Variants in AUH observed in about 807,000 individuals in gnomAD.
AUH encodes AU RNA binding methylglutaconyl-CoA hydratase.
AUH carries 29 observed loss-of-function variants against 42.3 expected under a neutral mutation model. The ratio of observed to expected loss-of-function variants is 0.69; its 90% CI spans 0.51 to 0.93. The LOEUF is 0.93. Among genes scored for constraint, AUH ranks in the 40% least tolerant of loss-of-function variants. The probability of loss-of-function intolerance (pLI) is 0.00; values close to 1 mark genes in which losing one functional copy is unlikely to be tolerated. For synonymous variants in AUH, 174 were observed against 166.4 expected, an observed-to-expected ratio of 1.05 and a Z score of -0.35; for missense variants, 452 against 438.1, an observed-to-expected ratio of 1.03 and a Z score of -0.28.
At chr9:91,350,852 A>G (rs532181647) in intron 3 of AUH, among the ~76,000 whole-genome samples, 1 of 152,246 alleles carries the variant, frequency 6.6e-6, no homozygotes, top group African/African-American at 2.4e-5. Flanking sequence ...ATACACTAAT[A>G]TACTTTGTAT....
intron 3 of AUH, among the ~76,000 whole-genome samples, chr9:91,348,401 T>A (rs1240447559): frequency 6.6e-6 from 1 of 152,202 alleles, no homozygotes; most frequent in Non-Finnish European, 1.5e-5. Flanking sequence ...TCTGACTATT[T>A]ACCTGAGAGA....
chr9:91,291,313 G>A (rs922971238), intron 6 of AUH, among the ~76,000 whole-genome samples: 1 of 152,084 alleles, frequency 6.6e-6, no homozygotes, highest in Non-Finnish European at 1.5e-5. Flanking sequence ...TCTGTTGGGG[G>A]GGTGGGGGTG....
At chr9:91,301,891 TATTA>T (rs1238838115) in intron 4 of AUH, among the ~76,000 whole-genome samples, 1 of 152,236 alleles carries the variant, frequency 6.6e-6, no homozygotes, top group Non-Finnish European at 1.5e-5. Flanking sequence ...AACTTTAAAT[TATTA>T]ATTAACATAA....
intron 4 of AUH, among the ~76,000 whole-genome samples, chr9:91,320,176 G>C (rs1373357118): frequency 6.6e-6 from 1 of 152,110 alleles, no homozygotes; most frequent in Non-Finnish European, 1.5e-5. Flanking sequence ...TTCCATTATA[G>C]TTTCTTCTTT....
At chr9:91,245,461 T>C (rs1272250162) in intron 6 of AUH, among the ~76,000 whole-genome samples, 2 of 152,128 alleles carry the variant, frequency 1.3e-5, no homozygotes, top group African/African-American at 4.8e-5. Flanking sequence ...AGAGGAAAGC[T>C]GGAGAAAGAA....
chr9:91,355,489 G>C (rs527442735), intron 3 of AUH, among the ~76,000 whole-genome samples: 2 of 151,884 alleles, frequency 1.3e-5, no homozygotes, highest in Admixed American at 1.3e-4. Context: ...CTGGGGAGAC[G>C]AGGGTTGCAG....
chr9:91,296,499 G>A (rs1827344851), intron 5 of AUH, among the ~76,000 whole-genome samples: 1 of 152,092 alleles, frequency 6.6e-6, no homozygotes, highest in African/African-American at 2.4e-5. Flanking sequence ...TATCAGATAT[G>A]GCAACTTTTC....
intron 6 of AUH, among the ~76,000 whole-genome samples, chr9:91,237,832 C>A (rs1828280238): frequency 6.6e-6 from 1 of 152,202 alleles, no homozygotes; most frequent in Non-Finnish European, 1.5e-5. Flanking sequence ...TTTAGTGGAG[C>A]TACATTTTTA....
chr9:91,344,341 T>C (rs924363930), intron 3 of AUH, among the ~76,000 whole-genome samples: 4 of 152,168 alleles, frequency 2.6e-5, no homozygotes, highest in African/African-American at 9.6e-5. Context: ...CTGCTTCCAG[T>C]TGTCCCACCT....
Position 91,236,090 on chromosome 9 carries a change from A to C in AUH, c.656-15098T>G, listed in dbSNP as rs74584664. Among the ~76,000 whole-genome samples the C allele has an allele frequency of 3.0e-3, 457 of 152,316 alleles. 5 individuals are homozygous for C. The highest frequency in any genetic ancestry group is 0.011 in the African/African-American group (438 of 41,576). On this transcript the variant is annotated intron_variant, in intron 6 of 9. Coordinates refer to ENST00000375731, the MANE Select transcript of AUH (RefSeq NM_001698.3). Reference sequence around the variant, plus strand: ...TCAGGAAGTACAGATGGATGGAGGAAAGAGATTTGAACATGCATTTCAGAA... The same window carrying C: ...TCAGGAAGTACAGATGGATGGAGGACAGAGATTTGAACATGCATTTCAGAA...
At chr9:91,251,036 A>T (rs1045992598) in intron 6 of AUH, among the ~76,000 whole-genome samples, 4 of 152,206 alleles carry the variant, frequency 2.6e-5, no homozygotes, top group African/African-American at 9.6e-5. Context: ...ACACGGCTGC[A>T]GCAGAAGAGA....
chr9:91,336,646 A>C (rs1830712314), intron 3 of AUH, among the ~76,000 whole-genome samples: 2 of 151,912 alleles, frequency 1.3e-5, no homozygotes, highest in South Asian at 4.2e-4. Flanking sequence ...AAAAAAAAAA[A>C]AGAAATGAAC....
chr9:91,356,030 A>G, intron 2 of AUH, 58 bp downstream of exon 2: 1 of 1,595,790 alleles, frequency 6.3e-7, no homozygotes, highest in Non-Finnish European at 8.6e-7. Flanking sequence ...ACATTTTTAC[A>G]TTGATGACAA....
chr9:91,270,271 T>G (rs950501926), intron 6 of AUH, among the ~76,000 whole-genome samples: 2 of 152,130 alleles, frequency 1.3e-5, no homozygotes, highest in African/African-American at 4.8e-5. Flanking sequence ...CCATGGAGAC[T>G]TCCAGGGCTG....
intron 4 of AUH, among the ~76,000 whole-genome samples, chr9:91,305,367 T>C (rs1175029743): frequency 2.6e-5 from 4 of 152,218 alleles, no homozygotes; most frequent in Non-Finnish European, 1.5e-5. Context: ...GGATGTTAAA[T>C]TGGTATACTA....
intron 6 of AUH, among the ~76,000 whole-genome samples, chr9:91,288,764 AAT>A (rs1826623377): frequency 6.6e-6 from 1 of 152,104 alleles, no homozygotes; most frequent in East Asian, 1.9e-4. Flanking sequence ...ATATACTTTT[AAT>A]AGTCATTTGA....
At chr9:91,318,326 T>C (rs1829314759) in intron 4 of AUH, among the ~76,000 whole-genome samples, 1 of 152,204 alleles carries the variant, frequency 6.6e-6, no homozygotes, top group African/African-American at 2.4e-5. Flanking sequence ...TTAGAAATTT[T>C]TTTTCCTTTC....
chr9:91,357,972 A>T (rs1368371158), intron 1 of AUH, among the ~76,000 whole-genome samples: 2 of 152,190 alleles, frequency 1.3e-5, no homozygotes, highest in African/African-American at 4.8e-5. Context: ...GCGGGGGAAT[A>T]GTTTCTATAC....
At chr9:91,287,081 ATACT>A (rs755541056) in intron 6 of AUH, among the ~76,000 whole-genome samples, 50 of 150,578 alleles carry the variant, frequency 3.3e-4, no homozygotes, top group Non-Finnish European at 6.1e-4. Flanking sequence ...GAAAAATAAA[ATACT>A]TAATCCTTTA....
Sources: allele counts gnomAD v4.1 joint callset (sites outside exome capture counted in the v4.1 genomes callset), GRCh38; gene constraint gnomAD v4.1.1; transcripts MANE v1.5; gene names NCBI Gene and HGNC (gene_info 2026-07-23, HGNC 2026-07-21).